Variants in SBF2 observed in about 807,000 individuals in gnomAD.
SBF2 encodes myotubularin-related protein 13.
In SBF2, 112 loss-of-function variants were observed where a neutral mutation model predicts 225.2. The observed-to-expected ratio is 0.50, with a 90% CI of 0.43 to 0.58. The LOEUF is 0.58. Among genes scored for constraint, SBF2 ranks in the 20% least tolerant of loss-of-function variants. The pLI, the probability that SBF2 is intolerant of heterozygous loss-of-function variation, is 0.00. For missense variants in SBF2, 1,996 were observed against 2,206.2 expected (o/e 0.90, Z 1.91); for synonymous variants, 763 against 773.3 (o/e 0.99, Z 0.22).
At chr11:10,250,950 C>T (rs540597044) in intron 1 of SBF2, among the ~76,000 whole-genome samples, 1 of 152,208 alleles carries the variant, frequency 6.6e-6, no homozygotes, top group Non-Finnish European at 1.5e-5. Flanking sequence ...TTAATGTGAA[C>T]AGCTTTTCCT....
chr11:9,965,728 T>G (rs940029154), intron 14 of SBF2, among the ~76,000 whole-genome samples: 1 of 152,240 alleles, frequency 6.6e-6, no homozygotes, highest in Non-Finnish European at 1.5e-5. Context: ...GGAAAACAAC[T>G]GGCATAATAC....
At chr11:9,968,624 CAGGG>C in intron 13 of SBF2, 79 bp from the exon 14 acceptor site, 4 of 1,141,758 alleles carry the variant, frequency 3.5e-6, no homozygotes, top group Non-Finnish European at 5.3e-6. Context: ...TGGGAGCTTA[CAGGG>C]ACACGAGCTG....
chr11:10,124,934 G>A (rs867645289), intron 2 of SBF2, among the ~76,000 whole-genome samples: 5 of 151,564 alleles, frequency 3.3e-5, no homozygotes, highest in Middle Eastern at 3.2e-3. Flanking sequence ...GCAAAACCCC[G>A]TCTCTACTAA....
intron 2 of SBF2, among the ~76,000 whole-genome samples, chr11:10,176,960 G>A (rs1472159668): frequency 5.9e-5 from 9 of 152,022 alleles, no homozygotes; most frequent in South Asian, 4.2e-4. Context: ...CTGGCAAACC[G>A]AATCCAGCAG....
intron 6 of SBF2, among the ~76,000 whole-genome samples, chr11:10,006,231 C>T (rs543858365): frequency 6.6e-6 from 1 of 152,196 alleles, no homozygotes; most frequent in African/African-American, 2.4e-5. Context: ...TTTGTACACC[C>T]TCAGCTCTTG....
chr11:9,780,357 T>A lies in SBF2; in HGVS notation c.*61A>T. On this transcript the variant is annotated 3_prime_UTR_variant, in exon 40 of 40. Coordinates refer to ENST00000256190, the MANE Select transcript of SBF2 (RefSeq NM_030962.4). ...CAGCTCCTCAAGGATCCATGCTTCTTTTTCTATCTATCTGGCAGCATGAGT... is the reference window on the plus strand; with the variant it reads ...CAGCTCCTCAAGGATCCATGCTTCTATTTCTATCTATCTGGCAGCATGAGT... 2.8e-6 allele frequency: 4 copies of A among 1,432,122 alleles called. No individual in the cohort carries two copies. The highest frequency in any genetic ancestry group is 3.9e-6 in the Non-Finnish European group (4 of 1,021,580). The allele number at this position is 1,432,122 out of a possible 1,614,324, so 88.7% of individuals were successfully genotyped here.
intron 14 of SBF2, among the ~76,000 whole-genome samples, chr11:9,967,467 G>T (rs1354353358): frequency 6.6e-6 from 1 of 151,806 alleles, no homozygotes; most frequent in Non-Finnish European, 1.5e-5. Context: ...AGTCATAAAA[G>T]ATTACATTTT....
At position 9,812,759 on chromosome 11, in the gene SBF2, G is replaced by C. The variant is rs752003783; in HGVS notation, c.3979-51C>G. 8.2e-6 allele frequency: 13 copies of C among 1,588,810 alleles called. No individual in the cohort carries two copies. In the African/African-American group the frequency reaches 1.7e-4, roughly 21 times the overall value. On this transcript the variant is annotated intron_variant, in intron 29 of 39. Coordinates refer to ENST00000256190, the MANE Select transcript of SBF2 (RefSeq NM_030962.4). ...GGCAGATGAAGTGCTATAGGTAAAA[G>C]AGTGATGTTTCCAATGGGGCAGTGC... is the stretch of plus-strand genomic sequence containing the variant.
At chr11:10,093,281 C>T (rs1252899296) in intron 2 of SBF2, among the ~76,000 whole-genome samples, 1 of 151,610 alleles carries the variant, frequency 6.6e-6, no homozygotes, top group African/African-American at 2.4e-5. Flanking sequence ...TCCCAAAGTG[C>T]TGGGATTATA....
At chr11:10,074,882 T>C (rs566471614) in intron 2 of SBF2, among the ~76,000 whole-genome samples, 3 of 152,332 alleles carry the variant, frequency 2.0e-5, no homozygotes, top group South Asian at 4.1e-4. Context: ...TTAATAAGAA[T>C]AGATTCATTT....
At chr11:10,019,180 A>G (rs184848983) in intron 6 of SBF2, among the ~76,000 whole-genome samples, 407 of 152,344 alleles carry the variant, frequency 2.7e-3, no homozygotes, top group African/African-American at 9.4e-3. Context: ...ATTTTGTGAA[A>G]AAAAACATAC....
intron 1 of SBF2, among the ~76,000 whole-genome samples, chr11:10,214,264 T>C (rs1958044264): frequency 6.6e-6 from 1 of 152,140 alleles, no homozygotes. Flanking sequence ...CATTTCTAAA[T>C]ACGCCTTGGA....
chr11:9,904,605 C>T (rs572555370), intron 16 of SBF2, among the ~76,000 whole-genome samples: 8 of 152,252 alleles, frequency 5.3e-5, no homozygotes, highest in African/African-American at 1.9e-4. Flanking sequence ...AACGTTAGAG[C>T]TAATAGATAT....
At chr11:9,901,010 C>T (rs1442491587) in intron 16 of SBF2, among the ~76,000 whole-genome samples, 2 of 152,166 alleles carry the variant, frequency 1.3e-5, no homozygotes, top group Non-Finnish European at 2.9e-5. Flanking sequence ...GGATTACAGG[C>T]ATAAGCCATG....
Position 9,789,207 on chromosome 11 carries a change from C to T in SBF2, c.4834G>A (p.Ala1612Thr). ...TGGCTCCGTGGCCCAGCTTCTCCAG[C>T]CAGGTCAGAGTCTTCGGAGGGGAAG... Reference protein sequence around the residue: ...KHFPSEDSDLAGEAGPRSQRR... With the variant: ...KHFPSEDSDLTGEAGPRSQRR... Residue 1612 changes from alanine (A) to threonine (T), a missense_variant, in exon 35 of 40, where the codon GCT becomes ACT. Transcript: ENST00000256190. 6.2e-7 allele frequency: 1 copy of T among 1,614,156 alleles called. No individual in the cohort carries two copies. The highest frequency in any genetic ancestry group is 8.5e-7 in the Non-Finnish European group (1 of 1,180,034).
Position 9,780,777 on chromosome 11 carries a change from C to T in SBF2, c.5452-261G>A, listed in dbSNP as rs553947649. 31 of 468,198 alleles carry T rather than the reference C, an allele frequency of 6.6e-5. No individual in the cohort carries two copies. In the Middle Eastern group the frequency reaches 1.8e-3, roughly 28 times the overall value. 29.0% of individuals were successfully genotyped at this position (468,198 alleles called of 1,614,324 possible). A position where few individuals can be genotyped will look rare whatever the true frequency, so the allele number is the denominator to read the frequency against. ...TTATTTTGCATTTTCTTAGTGTCGT[C>T]TTTGACTAAGGAGGAAGGGTCAGCA... is the stretch of plus-strand genomic sequence containing the variant. On this transcript the variant is annotated intron_variant, in intron 39 of 39. Coordinates refer to ENST00000256190, the MANE Select transcript of SBF2 (RefSeq NM_030962.4).
At chr11:10,238,849 G>A (rs535035375) in intron 1 of SBF2, among the ~76,000 whole-genome samples, 1 of 151,048 alleles carries the variant, frequency 6.6e-6, no homozygotes, top group South Asian at 2.2e-4. Flanking sequence ...GGAGGCAGAG[G>A]TTGCGGTGAG....
At chr11:10,249,895 T>C (rs1234494433) in intron 1 of SBF2, among the ~76,000 whole-genome samples, 1 of 151,140 alleles carries the variant, frequency 6.6e-6, no homozygotes, top group Non-Finnish European at 1.5e-5. Flanking sequence ...AGCATTGGAA[T>C]GCATATGGAA....
chr11:10,006,949 G>A (rs1354252848), intron 6 of SBF2, among the ~76,000 whole-genome samples: 1 of 152,200 alleles, frequency 6.6e-6, no homozygotes, highest in Non-Finnish European at 1.5e-5. Flanking sequence ...GGAAGGTCAT[G>A]GAGGCAAGAA....
Sources: gnomAD v4.1 joint callset for allele counts (sites outside exome capture counted in the v4.1 genomes callset) on GRCh38, gnomAD v4.1.1 for gene constraint, MANE v1.5 for transcripts, NCBI Gene and HGNC (gene_info 2026-07-23, HGNC 2026-07-21) for gene names.